The following LCP2 variants were observed in gnomAD, a reference collection of about 807,000 sequenced individuals.
LCP2 encodes the protein 76 kDa tyrosine phosphoprotein.
In LCP2, 29 loss-of-function variants were observed where a neutral mutation model predicts 74.5. The observed-to-expected ratio is 0.39, with a 90% CI of 0.29 to 0.53. The LOEUF is 0.53. Among genes scored for constraint, LCP2 ranks in the 20% least tolerant of loss-of-function variants. The pLI, the probability that LCP2 is intolerant of heterozygous loss-of-function variation, is 0.72. For synonymous variants in LCP2, 228 were observed against 229.5 expected (o/e 0.99, Z 0.06); for missense variants, 604 against 634.6 (o/e 0.95, Z 0.52).
chr5:170,270,750 C>T lies in LCP2; in HGVS notation c.492G>A (p.Lys164=), dbSNP rs1051429634. 3 of 1,592,876 alleles carry T rather than the reference C, an allele frequency of 1.9e-6. No individual in the cohort carries two copies. The highest frequency in any genetic ancestry group is 2.6e-6 in the Non-Finnish European group (3 of 1,170,876). The change falls in exon 7 of 21, where the codon AAG becomes AAA. Residue 164 remains lysine (K), a synonymous_variant. Coordinates refer to ENST00000046794, the MANE Select transcript of LCP2 (RefSeq NM_005565.5). ...EALQNSILPA[K]PFPNSNSMYI... Reference sequence around the variant, plus strand: ...ACATGGAGTTGGAGTTGGGGAAAGGCTTGGCAGGCAGGATGGAGTTCTGCA... The same window carrying T: ...ACATGGAGTTGGAGTTGGGGAAAGGTTTGGCAGGCAGGATGGAGTTCTGCA...
Position 170,262,706 on chromosome 5 carries a change from A to G in LCP2, c.855T>C (p.Pro285=), listed in dbSNP as rs1761678337. The G allele has an allele frequency of 6.2e-7, 1 of 1,613,950 alleles. No individual in the cohort carries two copies. Among genetic ancestry groups the G allele is most frequent in the Non-Finnish European group, 8.5e-7 (1 of 1,179,874 alleles). Residue 285 remains proline (P), a synonymous_variant, in exon 13 of 21, where the codon CCT becomes CCC. Transcript: ENST00000046794. ...GTCTTTCCGTGGTCGGTGGTAAAGG[A>G]GGCTTTTGAATCTTGGGTAAATGCT... The part of the protein sequence containing the change: ...LGEHLPKIQK[P]PLPPTTERHE...
intron 17 of LCP2, among the ~76,000 whole-genome samples, chr5:170,255,306 T>A (rs1761530453): frequency 6.6e-6 from 1 of 152,128 alleles, no homozygotes. Context: ...GAATGATGCA[T>A]CCAACTGAAT....
intron 3 of LCP2, among the ~76,000 whole-genome samples, chr5:170,276,380 C>A (rs1233856398): frequency 6.6e-6 from 1 of 152,146 alleles, no homozygotes; most frequent in East Asian, 1.9e-4. Flanking sequence ...TGTTCTGTGG[C>A]CTGCCTTCTC....
intron 3 of LCP2, among the ~76,000 whole-genome samples, chr5:170,286,322 C>T (rs1287831160): frequency 6.6e-6 from 1 of 152,180 alleles, no homozygotes; most frequent in Non-Finnish European, 1.5e-5. Flanking sequence ...TCTAAAGAGG[C>T]TGGATTTTGT....
intron 6 of LCP2, among the ~76,000 whole-genome samples, chr5:170,272,592 A>ATTTT (rs1761913090): frequency 1.0e-3 from 35 of 34,290 alleles, no homozygotes; most frequent in Non-Finnish European, 1.5e-3. Flanking sequence ...CCCATCAAAT[A>ATTTT]TTTTCTTTTT....
intron 3 of LCP2, among the ~76,000 whole-genome samples, chr5:170,284,018 T>C (rs1173527435): frequency 1.3e-5 from 2 of 152,216 alleles, no homozygotes; most frequent in African/African-American, 4.8e-5. Context: ...AGAATGTGAG[T>C]GTCCTGAGGA....
intron 3 of LCP2, among the ~76,000 whole-genome samples, chr5:170,278,911 C>T (rs1348632210): frequency 6.8e-6 from 1 of 146,178 alleles, no homozygotes; most frequent in Non-Finnish European, 1.5e-5. Flanking sequence ...CTACAGAAAG[C>T]ACCTTCCAAG....
intron 2 of LCP2, among the ~76,000 whole-genome samples, chr5:170,290,633 G>A (rs1347381459): frequency 2.0e-5 from 3 of 152,172 alleles, no homozygotes; most frequent in Non-Finnish European, 4.4e-5. Context: ...CAACTGTTAG[G>A]ACAGAAGCCA....
chr5:170,255,695 T>G (rs906750354), intron 17 of LCP2, among the ~76,000 whole-genome samples: 1 of 152,172 alleles, frequency 6.6e-6, no homozygotes, highest in African/African-American at 2.4e-5. Flanking sequence ...CACAAATTAG[T>G]CCTGCCCCAG....
intron 3 of LCP2, among the ~76,000 whole-genome samples, chr5:170,277,044 C>T (rs1187055596): frequency 1.4e-5 from 2 of 146,992 alleles, no homozygotes; most frequent in Non-Finnish European, 3.0e-5. Flanking sequence ...CCACTGCACT[C>T]CAGCCTGGTG....
intron 8 of LCP2, among the ~76,000 whole-genome samples, chr5:170,267,524 G>T (rs1761790298): frequency 6.6e-6 from 1 of 151,990 alleles, no homozygotes; most frequent in East Asian, 1.9e-4. Context: ...TGCCTAGAAC[G>T]TTCTTCTCCC....
chr5:170,270,729 G>C lies in LCP2; in HGVS notation c.513C>G (p.Ser171=). 6.3e-7 allele frequency: 1 copy of C among 1,579,958 alleles called. No individual in the cohort carries two copies. Among genetic ancestry groups the C allele is most frequent in the South Asian group, 1.2e-5 (1 of 85,484 alleles). The change falls in exon 7 of 21, where the codon TCC becomes TCG. Residue 171 remains serine (S), a synonymous_variant. Coordinates refer to ENST00000046794, the MANE Select transcript of LCP2 (RefSeq NM_005565.5). The stretch of plus-strand genomic sequence containing the variant: ...GAAACGGGCCCTTACCGATGTACAT[G>C]GAGTTGGAGTTGGGGAAAGGCTTGG... ...LPAKPFPNSN[S]MYIDRPPSGK... is the part of the protein sequence containing the mutation.
At chr5:170,275,224 G>A in intron 5 of LCP2, 96 bp downstream of exon 5, 4 of 1,339,940 alleles carry the variant, frequency 3.0e-6, no homozygotes, top group Non-Finnish European at 4.3e-6. Context: ...AAGGTCACCT[G>A]AATGAACTCA....
At chr5:170,260,343 G>A (rs115166227) in intron 14 of LCP2, among the ~76,000 whole-genome samples, 3,243 of 152,314 alleles carry the variant, frequency 0.021, 52 homozygotes, top group Middle Eastern at 0.1. Context: ...AATAGCAGGC[G>A]CTTTTGGGCT....
At chr5:170,261,397 G>GTC (rs1341765337) in intron 13 of LCP2, among the ~76,000 whole-genome samples, 1 of 123,958 alleles carries the variant, frequency 8.1e-6, no homozygotes, top group Non-Finnish European at 1.7e-5. Flanking sequence ...TTATGTGTGT[G>GTC]TGTGTGTGTG....
At chr5:170,267,101 A>G (rs1192539549) in intron 8 of LCP2, 26 bp from the exon 9 acceptor site, 1 of 1,612,036 alleles carries the variant, frequency 6.2e-7, no homozygotes, top group Non-Finnish European at 8.5e-7. Flanking sequence ...AACGTTAGGA[A>G]GCACTTCCAA....
At chr5:170,285,683 C>A (rs1165582936) in intron 3 of LCP2, among the ~76,000 whole-genome samples, 1 of 152,220 alleles carries the variant, frequency 6.6e-6, no homozygotes, top group Admixed American at 6.5e-5. Context: ...GAAATAAGCA[C>A]CATTTCCAGC....
At chr5:170,260,354 G>T (rs1469929431) in intron 14 of LCP2, among the ~76,000 whole-genome samples, 1 of 152,228 alleles carries the variant, frequency 6.6e-6, no homozygotes, top group Non-Finnish European at 1.5e-5. Flanking sequence ...CTTTTGGGCT[G>T]AGCCCTTGAA....
In LCP2 at chr5:170,279,924, A is replaced by G. The variant is rs373518070; in HGVS notation, c.189-4064T>C. ...CTGATGACACAAGAGGAAAGAAACTATACAAGAAAAGAAGGCTGCCAGGCA... is the reference window on the plus strand; with the variant it reads ...CTGATGACACAAGAGGAAAGAAACTGTACAAGAAAAGAAGGCTGCCAGGCA... On this transcript the variant is annotated intron_variant, in intron 3 of 20. Coordinates refer to ENST00000046794, the MANE Select transcript of LCP2 (RefSeq NM_005565.5). Among the ~76,000 whole-genome samples the G allele has an allele frequency of 1.7e-3, 255 of 152,166 alleles. 9 individuals are homozygous for G. In the South Asian group the frequency reaches 0.052, roughly 31 times the overall value.
Sources: allele counts gnomAD v4.1 joint callset (sites outside exome capture counted in the v4.1 genomes callset), GRCh38; gene constraint gnomAD v4.1.1; transcripts MANE v1.5; gene names NCBI Gene and HGNC (gene_info 2026-07-23, HGNC 2026-07-21).